Variants in USH2A observed in about 807,000 individuals in gnomAD.
The protein encoded by USH2A is usherin.
A neutral mutation model predicts 538.9 loss-of-function variants in USH2A; 443 were observed. That is an observed-to-expected ratio of 0.82 (90% CI 0.76 to 0.89). The LOEUF (loss-of-function observed/expected upper bound fraction) is 0.89. Ranked by LOEUF, USH2A falls within the 40% of genes least tolerant of loss-of-function variation. USH2A has a pLI of 0.00. For synonymous variants in USH2A, 2,413 were observed against 2,273.5 expected (o/e 1.06, Z -1.75); for missense variants, 6,633 against 6,324.8 (o/e 1.05, Z -1.65).
At chr1:216,022,307 G>A (rs1668861879) in intron 32 of USH2A, among the ~76,000 whole-genome samples, 1 of 152,160 alleles carries the variant, frequency 6.6e-6, no homozygotes, top group Non-Finnish European at 1.5e-5. Flanking sequence ...TTGGCGTGGG[G>A]TTGTGGGGGA....
chr1:216,228,904 C>T (rs972486343), intron 14 of USH2A, among the ~76,000 whole-genome samples: 3 of 151,976 alleles, frequency 2.0e-5, no homozygotes, highest in Non-Finnish European at 2.9e-5. Context: ...AACACACACT[C>T]GGCTCAAGCC....
At chr1:216,258,478 GCTCTGTAGATCTGTGAAATTAT>G (rs1318145875) in intron 11 of USH2A, among the ~76,000 whole-genome samples, 2 of 152,030 alleles carry the variant, frequency 1.3e-5, no homozygotes, top group Non-Finnish European at 2.9e-5. Flanking sequence ...TAAGGAAGAT[GCTCTGTAGATCTGTGAAATTAT>G]CTCTGTGTTC....
intron 21 of USH2A, among the ~76,000 whole-genome samples, chr1:216,148,905 T>G (rs922159996): frequency 1.3e-4 from 20 of 152,178 alleles, no homozygotes; most frequent in African/African-American, 4.1e-4. Flanking sequence ...TAGGCTGTAC[T>G]GCTGCAAAGC....
intron 40 of USH2A, among the ~76,000 whole-genome samples, chr1:215,892,292 T>C (rs1212826964): frequency 6.6e-6 from 1 of 152,194 alleles, no homozygotes; most frequent in East Asian, 1.9e-4. Flanking sequence ...GTCAGTTTTC[T>C]TGTTACATTC....
intron 15 of USH2A, 110 bp from the exon 16 acceptor site, chr1:216,207,541 C>T: frequency 6.7e-6 from 9 of 1,333,802 alleles, no homozygotes; most frequent in Non-Finnish European, 7.4e-6. Context: ...ATTGCTTTAT[C>T]AAGAAGACAT....
At chr1:216,231,611 C>T (rs1231870889) in intron 14 of USH2A, among the ~76,000 whole-genome samples, 3 of 151,686 alleles carry the variant, frequency 2.0e-5, no homozygotes, top group East Asian at 3.9e-4. Flanking sequence ...TACAGTGGCG[C>T]GATCTCGGCT....
chr1:215,624,280 G>A lies in USH2A; in HGVS notation c.*1501C>T, dbSNP rs930833026. The stretch of plus-strand genomic sequence containing the variant: ...GCAAACTTTGTCTAGGAGTTGGTCA[G>A]TCTGAGGAGCTGCTCTCTCACAGAG... On this transcript the variant is annotated 3_prime_UTR_variant, in exon 72 of 72. Transcript: ENST00000307340. 1.3e-5 allele frequency: 2 copies of A among 152,158 alleles called. No homozygotes were observed. Among genetic ancestry groups the A allele is most frequent in the African/African-American group, 4.8e-5 (2 of 41,444 alleles). The allele number at this position is 152,158 out of a possible 1,614,324, so 9.4% of individuals were successfully genotyped here. A position where few individuals can be genotyped will look rare whatever the true frequency, so the allele number is the denominator to read the frequency against.
At chr1:215,635,868 A>G (rs1321563659) in intron 69 of USH2A, among the ~76,000 whole-genome samples, 1 of 150,514 alleles carries the variant, frequency 6.6e-6, no homozygotes, top group African/African-American at 2.4e-5. Context: ...AGGTTTATTA[A>G]GTCTTGTGGG....
intron 52 of USH2A, among the ~76,000 whole-genome samples, chr1:215,784,120 C>T (rs1661723447): frequency 6.6e-6 from 1 of 152,136 alleles, no homozygotes; most frequent in Non-Finnish European, 1.5e-5. Context: ...CCCCAGTTCT[C>T]CCTTCCATCC....
chr1:216,083,732 G>T, intron 25 of USH2A, 146 bp from the exon 26 acceptor site: 1 of 786,486 alleles, frequency 1.3e-6, no homozygotes, highest in Non-Finnish European at 2.0e-6. Flanking sequence ...AATTCCTTTT[G>T]TAATTGCACA....
chr1:216,360,485 G>A (rs920129966), intron 4 of USH2A, among the ~76,000 whole-genome samples: 1 of 152,052 alleles, frequency 6.6e-6, no homozygotes, highest in African/African-American at 2.4e-5. Context: ...GTGGATACTT[G>A]TCGTTGTACA....
At chr1:216,029,130 A>C (rs770235569) in intron 32 of USH2A, among the ~76,000 whole-genome samples, 2 of 152,036 alleles carry the variant, frequency 1.3e-5, no homozygotes, top group Non-Finnish European at 2.9e-5. Context: ...TATTCATGGT[A>C]CGATAGCCAA....
At chr1:215,845,440 A>C (rs774098034) in intron 45 of USH2A, among the ~76,000 whole-genome samples, 8 of 151,940 alleles carry the variant, frequency 5.3e-5, no homozygotes, top group Non-Finnish European at 1.2e-4. Context: ...TCCACCTACC[A>C]TTTCTGGTGA....
At chr1:215,998,170 A>T (rs1668181988) in intron 34 of USH2A, among the ~76,000 whole-genome samples, 1 of 152,114 alleles carries the variant, frequency 6.6e-6, no homozygotes, top group African/African-American at 2.4e-5. Flanking sequence ...TGTTTAAAAC[A>T]AATAGGGACA....
chr1:215,755,730 A>G (rs1184943194), intron 58 of USH2A, among the ~76,000 whole-genome samples: 1 of 152,220 alleles, frequency 6.6e-6, no homozygotes, highest in East Asian at 1.9e-4. Context: ...TGTGTAAAGC[A>G]TTCTACAATA....
chr1:216,414,416 T>C (rs767364811), intron 3 of USH2A, among the ~76,000 whole-genome samples: 2 of 152,130 alleles, frequency 1.3e-5, no homozygotes, highest in Non-Finnish European at 2.9e-5. Context: ...ATATTGAGCA[T>C]ATTGTCTATT....
intron 9 of USH2A, among the ~76,000 whole-genome samples, chr1:216,299,443 G>A (rs969584341): frequency 6.6e-6 from 1 of 152,046 alleles, no homozygotes; most frequent in Non-Finnish European, 1.5e-5. Flanking sequence ...AGACAGATGA[G>A]ACAGGTTTAC....
chr1:216,283,375 C>G (rs1457697783), intron 11 of USH2A, among the ~76,000 whole-genome samples: 1 of 152,232 alleles, frequency 6.6e-6, no homozygotes, highest in Admixed American at 6.5e-5. Flanking sequence ...CAGGCATGAG[C>G]CACCGCGCCC....
At chr1:216,112,442 A>G (rs866213587) in intron 21 of USH2A, among the ~76,000 whole-genome samples, 67 of 152,324 alleles carry the variant, frequency 4.4e-4, no homozygotes, top group African/African-American at 1.6e-3. Context: ...GGTCTGTATA[A>G]AACAAAGAAA....
Sources: gnomAD v4.1 joint callset for allele counts (sites outside exome capture counted in the v4.1 genomes callset) on GRCh38, gnomAD v4.1.1 for gene constraint, MANE v1.5 for transcripts, NCBI Gene and HGNC (gene_info 2026-07-23, HGNC 2026-07-21) for gene names.